Variants in DHCR7 observed in about 807,000 individuals in gnomAD.
DHCR7 encodes the protein 7-dehydrocholesterol reductase, also known as 7-DHC reductase.
In DHCR7, 40 loss-of-function variants were observed where a neutral mutation model predicts 43.3. That is an observed-to-expected ratio of 0.92 (90% CI 0.72 to 1.20). The LOEUF (loss-of-function observed/expected upper bound fraction) is 1.20. Among genes scored for constraint, DHCR7 ranks in the 50% most tolerant of loss-of-function variants. The pLI is 0.00. For missense variants in DHCR7, 608 were observed against 644.6 expected, an observed-to-expected ratio of 0.94 and a Z score of 0.62; for synonymous variants, 298 against 271.4, an observed-to-expected ratio of 1.10 and a Z score of -0.96.
chr11:71,441,146 C>A, intron 6 of DHCR7, 81 bp downstream of exon 6: 2 of 1,358,346 alleles, frequency 1.5e-6, no homozygotes, highest in South Asian at 2.4e-5. Flanking sequence ...GCTTTACAAC[C>A]ACCTGCCCCA....
At chr11:71,445,054 G>T (rs1343329935) in intron 2 of DHCR7, 96 bp from the exon 3 acceptor site, 2 of 1,022,684 alleles carry the variant, frequency 2.0e-6, no homozygotes, top group Non-Finnish European at 3.1e-6. Flanking sequence ...TGGCAGGGCT[G>T]GCCTCCTGTG....
In DHCR7 at chr11:71,441,321, T is replaced by A. The variant is rs1223603615; in HGVS notation, c.532A>T (p.Ile178Phe). Residue 178 changes from isoleucine to phenylalanine, a missense_variant, in exon 6 of 9, where the codon ATC becomes TTC. Ile to Phe is a conservative substitution (Grantham distance 21). Transcript: ENST00000355527. ...ATGTTGGCGCACCACAGCAGTGGGA[T>A]CCAGTTGTCGAAGATGATGGTGGGC... ...FSPTIIFDNW[I>F]PLLWCANILG... is the part of the protein sequence containing the mutation. The A allele has an allele frequency of 1.2e-6, 2 of 1,614,192 alleles. No homozygotes were observed. Among genetic ancestry groups the A allele is most frequent in the Non-Finnish European group, 1.7e-6 (2 of 1,180,028 alleles).
rs1238322446 is a variant in DHCR7, at chr11:71,434,713, C to T, written c.*662G>A. 5.2e-6 allele frequency: 1 copy of T among 191,940 alleles called. No individual in the cohort carries two copies. The highest frequency in any genetic ancestry group is 8.9e-5 in the South Asian group (1 of 11,290). The allele number at this position is 191,940 out of a possible 1,614,324, so 11.9% of individuals were successfully genotyped here. A position where few individuals can be genotyped will look rare whatever the true frequency, so the allele number is the denominator to read the frequency against. On this transcript the variant is annotated 3_prime_UTR_variant, in exon 9 of 9. Coordinates refer to ENST00000355527, the MANE Select transcript of DHCR7 (RefSeq NM_001360.3). ...TCGGGAAGCAGAGCCCACCTGCCTA[C>T]ACCTGAAAGGCCACAGCCGGTGCTG...
rs755869989 is a variant in DHCR7 at position 71,444,152 on chromosome 11, G to A, written c.162C>T (p.Val54=). ...GGTCACAAGCCATGATGAAGTAGTA[G>A]ACGATGAAGGGGGCGAACAGCAGTA... ...IFLLLFAPFI[V]YYFIMACDQY... Residue 54 remains valine (V), a synonymous_variant, in exon 4 of 9, where the codon GTC becomes GTT. Coordinates refer to ENST00000355527, the MANE Select transcript of DHCR7 (RefSeq NM_001360.3). 20 of 1,611,128 alleles carry A rather than the reference G, an allele frequency of 1.2e-5. 1 individual carries two copies. Among genetic ancestry groups the A allele is most frequent in the Middle Eastern group, 3.3e-4 (2 of 6,080 alleles).
intron 7 of DHCR7, among the ~76,000 whole-genome samples, chr11:71,438,444 C>G (rs1347406260): frequency 2.0e-5 from 3 of 152,182 alleles, no homozygotes; most frequent in African/African-American, 7.2e-5. Context: ...TTCCATGAGG[C>G]CTCCAGCCTC....
chr11:71,444,263 G>T, intron 3 of DHCR7, 48 bp from the exon 4 acceptor site: 1 of 1,464,808 alleles, frequency 6.8e-7, no homozygotes. Flanking sequence ...TCTGCCCTGG[G>T]CCCCACCAGG....
chr11:71,439,556 C>G (rs562896540), intron 6 of DHCR7, among the ~76,000 whole-genome samples: 4 of 152,174 alleles, frequency 2.6e-5, no homozygotes, highest in African/African-American at 4.8e-5. Flanking sequence ...ATCACGCCAA[C>G]GTAGAGAATG....
chr11:71,435,695 T>A lies in DHCR7; in HGVS notation c.1108A>T (p.Ile370Phe), dbSNP rs1489954663. 8.1e-6 allele frequency: 13 copies of A among 1,613,222 alleles called. No homozygotes were observed. Among genetic ancestry groups the A allele is most frequent in the Non-Finnish European group, 1.1e-5 (13 of 1,179,966 alleles). Residue 370 changes from isoleucine (I) to phenylalanine (F), a missense_variant, in exon 9 of 9, where the codon ATC (isoleucine) becomes TTC (phenylalanine). Transcript: ENST00000355527. ...ATGACCTTGGGCTTCCTGCCCCAGA[T>A]GAGGCAGCGCCCATCCGTGCGGCGG... is the stretch of plus-strand genomic sequence containing the variant. ...LFRRTDGRCL[I>F]WGRKPKVIEC...
chr11:71,439,517 T>G (rs1157907715), intron 6 of DHCR7, among the ~76,000 whole-genome samples: 1 of 152,236 alleles, frequency 6.6e-6, no homozygotes, highest in Middle Eastern at 3.2e-3. Flanking sequence ...GCAGGGCACG[T>G]GGGCCCTCAT....
chr11:71,442,171 G>C (rs1565588476), intron 5 of DHCR7, 92 bp downstream of exon 5: 1 of 989,064 alleles, frequency 1.0e-6, no homozygotes, highest in Non-Finnish European at 1.6e-6. Context: ...CCTGTGACAA[G>C]TCTTAGGGAC....
chr11:71,443,840 A>G (rs1333341886), intron 4 of DHCR7, 153 bp downstream of exon 4: 2 of 619,412 alleles, frequency 3.2e-6, no homozygotes, highest in Admixed American at 2.9e-5. Context: ...GAATCTGAAC[A>G]TGTCAGAGTC....
chr11:71,445,141 T>A (rs1949392823), intron 2 of DHCR7, among the ~76,000 whole-genome samples, 183 bp from the exon 3 acceptor site: 2 of 152,230 alleles, frequency 1.3e-5, no homozygotes, highest in Non-Finnish European at 2.9e-5. Flanking sequence ...ACTCTCTTCC[T>A]TGGACCCTGC....
chr11:71,444,808 G>A (rs1483565978), intron 3 of DHCR7, 47 bp downstream of exon 3: 3 of 1,543,788 alleles, frequency 1.9e-6, no homozygotes, highest in Non-Finnish European at 2.7e-6. Flanking sequence ...GGAAAGCTCT[G>A]AGACCACACT....
downstream of DHCR7, among the ~76,000 whole-genome samples, chr11:71,432,106 G>A (rs145716474): frequency 7.6e-4 from 116 of 152,378 alleles, no homozygotes; most frequent in African/African-American, 2.4e-3. Flanking sequence ...GATTACAGGC[G>A]TGAGCCACTG....
chr11:71,443,603 G>A (rs765563611), intron 4 of DHCR7, among the ~76,000 whole-genome samples: 3 of 152,202 alleles, frequency 2.0e-5, no homozygotes, highest in African/African-American at 4.8e-5. Context: ...TCATGACTGA[G>A]AGAGTCCCTT....
rs752952700 is a variant in DHCR7 at position 71,444,155 on chromosome 11, G to A, written c.159C>T (p.Ile53=). 34 of 1,610,430 alleles carry A rather than the reference G, an allele frequency of 2.1e-5. No individual in the cohort carries two copies. Among genetic ancestry groups the A allele is most frequent in the Middle Eastern group, 1.6e-4 (1 of 6,080 alleles). ...VIFLLLFAPF[I]VYYFIMACDQ... is the part of the protein sequence containing the mutation. ...CACAAGCCATGATGAAGTAGTAGAC[G>A]ATGAAGGGGGCGAACAGCAGTAGGA... Residue 53 remains isoleucine (I), a synonymous_variant, in exon 4 of 9, where the codon ATC becomes ATT. Coordinates refer to ENST00000355527, the MANE Select transcript of DHCR7 (RefSeq NM_001360.3).
intron 2 of DHCR7, chr11:71,428,871 A>T (rs1949213976): frequency 2.2e-6 from 1 of 456,166 alleles, no homozygotes; most frequent in Non-Finnish European, 4.4e-6. Context: ...CAAGTCAAGA[A>T]TTCTTTCTCA....
intron 6 of DHCR7, among the ~76,000 whole-genome samples, chr11:71,439,867 T>C (rs544661804): frequency 3.6e-4 from 55 of 152,348 alleles, no homozygotes; most frequent in African/African-American, 1.3e-3. Context: ...CGTTATCTGA[T>C]AACACACAAG....
rs1949345995 is a variant in DHCR7 at position 71,441,349 on chromosome 11, G to A, written c.504C>T (p.Phe168=). ...WFANAHLLSW[F]SPTIIFDNWI... Reference sequence around the variant, plus strand: ...AGTTGTCGAAGATGATGGTGGGCGAGAACCAGGACAGGAGATGAGCGTTTG... The same window carrying A: ...AGTTGTCGAAGATGATGGTGGGCGAAAACCAGGACAGGAGATGAGCGTTTG... Residue 168 remains phenylalanine (F), a synonymous_variant, in exon 6 of 9, where the codon TTC becomes TTT. Coordinates refer to ENST00000355527, the MANE Select transcript of DHCR7 (RefSeq NM_001360.3). 13 of 1,614,100 alleles carry A rather than the reference G, an allele frequency of 8.1e-6. No individual in the cohort carries two copies. The highest frequency in any genetic ancestry group is 1.1e-5 in the Non-Finnish European group (13 of 1,180,048).
Sources: gnomAD v4.1 joint callset for allele counts (sites outside exome capture counted in the v4.1 genomes callset) on GRCh38, gnomAD v4.1.1 for gene constraint, MANE v1.5 for transcripts, NCBI Gene and HGNC (gene_info 2026-07-23, HGNC 2026-07-21) for gene names.